DCC: variants seen among roughly 807,000 people sequenced by gnomAD.
The protein encoded by DCC is DCC netrin 1 receptor.
DCC carries 58 observed loss-of-function variants against 172.5 expected under a neutral mutation model. The ratio of observed to expected loss-of-function variants is 0.34; its 90% CI spans 0.27 to 0.42. DCC has a LOEUF of 0.42. DCC is among the 10% of genes least tolerant of loss of function. DCC has a pLI of 1.00. For missense variants in DCC, 1,740 were observed against 1,791.0 expected (o/e 0.97, Z 0.51); for synonymous variants, 709 against 644.5 (o/e 1.10, Z -1.52).
intron 7 of DCC, among the ~76,000 whole-genome samples, chr18:53,082,758 A>T (rs980393997): frequency 6.6e-6 from 1 of 152,132 alleles, no homozygotes; most frequent in Non-Finnish European, 1.5e-5. Flanking sequence ...TCCTTCAGAA[A>T]ACACACATGC....
intron 13 of DCC, among the ~76,000 whole-genome samples, chr18:53,311,639 A>G (rs1374648357): frequency 6.6e-6 from 1 of 152,230 alleles, no homozygotes; most frequent in Non-Finnish European, 1.5e-5. Context: ...ATTAAAAACA[A>G]TGTTTAACAT....
intron 1 of DCC, among the ~76,000 whole-genome samples, chr18:52,716,169 C>T (rs146699094): frequency 0.011 from 1,659 of 152,356 alleles, 33 homozygotes; most frequent in African/African-American, 0.038. Context: ...GCCCCATACC[C>T]GCAGGCTATG....
chr18:52,690,186 T>C (rs72914239), intron 1 of DCC, among the ~76,000 whole-genome samples: 1,999 of 152,238 alleles, frequency 0.013, 18 homozygotes, highest in Non-Finnish European at 0.018. Flanking sequence ...CTAACACACG[T>C]TTGCCGCTTT....
intron 1 of DCC, among the ~76,000 whole-genome samples, chr18:52,342,384 G>C (rs933020011): frequency 3.5e-5 from 5 of 144,900 alleles, no homozygotes; most frequent in Non-Finnish European, 7.5e-5. Context: ...TGTCCCTCCC[G>C]GGCCGGTCCC....
At chr18:52,961,837 G>A (rs1291990498) in intron 5 of DCC, among the ~76,000 whole-genome samples, 1 of 152,050 alleles carries the variant, frequency 6.6e-6, no homozygotes, top group Non-Finnish European at 1.5e-5. Context: ...TGACAAACCT[G>A]AGAAAAACAA....
At position 52,379,456 on chromosome 18, in the gene DCC, C is replaced by T. The variant is rs1246511923; in HGVS notation, c.91+38578C>T. Among the ~76,000 whole-genome samples, 7 of 152,076 alleles carry T rather than the reference C, an allele frequency of 4.6e-5. No homozygotes were observed. The East Asian group carries it at 7.7e-4, about 17-fold the overall frequency. On this transcript the variant is annotated intron_variant, in intron 1 of 28. Transcript: ENST00000442544. Reference sequence around the variant, plus strand: ...CCCTTGTAGAAAACACTTTTGACCACGTATTTAATTTGTTCTGTTGTTCAA... The same window carrying T: ...CCCTTGTAGAAAACACTTTTGACCATGTATTTAATTTGTTCTGTTGTTCAA...
chr18:52,439,780 A>G (rs1230333598), intron 1 of DCC, among the ~76,000 whole-genome samples: 1 of 152,204 alleles, frequency 6.6e-6, no homozygotes, highest in Non-Finnish European at 1.5e-5. Context: ...TTTAGTTAAT[A>G]AAGAAACAGA....
chr18:53,319,383 A>G (rs899842777), intron 13 of DCC, among the ~76,000 whole-genome samples: 1 of 152,196 alleles, frequency 6.6e-6, no homozygotes, highest in African/African-American at 2.4e-5. Flanking sequence ...ACTTGCAGAG[A>G]CACACATAGG....
At chr18:52,418,314 T>C (rs1987118368) in intron 1 of DCC, among the ~76,000 whole-genome samples, 1 of 152,198 alleles carries the variant, frequency 6.6e-6, no homozygotes, top group African/African-American at 2.4e-5. Context: ...AAAAGCCATG[T>C]AATCTCATAC....
chr18:52,871,983 C>T (rs1427199860), intron 2 of DCC, among the ~76,000 whole-genome samples: 1 of 152,110 alleles, frequency 6.6e-6, no homozygotes, highest in East Asian at 1.9e-4. Context: ...TTCAGAAAAG[C>T]ACAGCTTTGG....
Position 53,254,361 on chromosome 18 carries a change from A to G in DCC, c.1911+38764A>G, listed in dbSNP as rs923024377. 8.5e-5 allele frequency among the ~76,000 whole-genome samples: 13 copies of G among 152,090 alleles called. No individual in the cohort carries two copies. The East Asian group carries it at 2.5e-3, about 29-fold the overall frequency. ...TACCTGGGTGGGGTCTGCCTCTGGGATGGTATCAACCCCAATTTGTACTGG... is the reference window on the plus strand; with the variant it reads ...TACCTGGGTGGGGTCTGCCTCTGGGGTGGTATCAACCCCAATTTGTACTGG... On this transcript the variant is annotated intron_variant, in intron 12 of 28. Coordinates refer to ENST00000442544, the MANE Select transcript of DCC (RefSeq NM_005215.4).
intron 1 of DCC, among the ~76,000 whole-genome samples, chr18:52,342,336 A>T (rs1035646687): frequency 6.6e-6 from 1 of 151,884 alleles, no homozygotes; most frequent in Non-Finnish European, 1.5e-5. Flanking sequence ...GCGTACCCGC[A>T]TCCCCGCGCT....
At chr18:52,673,931 A>G (rs1174976840) in intron 1 of DCC, among the ~76,000 whole-genome samples, 1 of 152,200 alleles carries the variant, frequency 6.6e-6, no homozygotes, top group Admixed American at 6.5e-5. Flanking sequence ...GAGCTTGGCT[A>G]CAATAGCAAT....
chr18:52,966,737 C>G (rs1028180835), intron 5 of DCC, among the ~76,000 whole-genome samples: 7 of 152,164 alleles, frequency 4.6e-5, no homozygotes. Flanking sequence ...CTGTTTCTCC[C>G]TTTGCCCCTT....
intron 3 of DCC, among the ~76,000 whole-genome samples, chr18:52,908,624 G>A (rs3737396): frequency 0.38 from 57,911 of 151,886 alleles, 11,621 homozygotes; most frequent in Non-Finnish European, 0.46. Context: ...AAAAGACACA[G>A]AGACATTATA....
At chr18:52,670,846 G>GA (rs569848425) in intron 1 of DCC, among the ~76,000 whole-genome samples, 10,073 of 143,712 alleles carry the variant, frequency 0.07, 376 homozygotes, top group Non-Finnish European at 0.092. Context: ...ATCTCAAAAA[G>GA]AAAAAAAAAA....
At chr18:52,822,688 C>T (rs2038428282) in intron 2 of DCC, among the ~76,000 whole-genome samples, 1 of 152,188 alleles carries the variant, frequency 6.6e-6, no homozygotes, top group Non-Finnish European at 1.5e-5. Context: ...AACCACATGG[C>T]ACTTCTTTAT....
Position 52,603,883 on chromosome 18 carries a change from T to C in DCC, c.92-148171T>C, listed in dbSNP as rs1325586657. ...ATTGTTCTATTTTTCATTTTTCCTCTCATTTTATGTATGTTTACTAAGAAA... is the reference window on the plus strand; with the variant it reads ...ATTGTTCTATTTTTCATTTTTCCTCCCATTTTATGTATGTTTACTAAGAAA... On this transcript the variant is annotated intron_variant, in intron 1 of 28. Transcript: ENST00000442544. Among the ~76,000 whole-genome samples, 3 of 49,092 alleles carry C rather than the reference T, an allele frequency of 6.1e-5. No individual in the cohort carries two copies. The South Asian group carries it at 1.1e-3, about 19-fold the overall frequency. The allele number at this position is 49,092 out of a possible 152,430, so 32.2% of individuals were successfully genotyped here.
chr18:52,686,996 T>C (rs1309693068), intron 1 of DCC, among the ~76,000 whole-genome samples: 1 of 152,134 alleles, frequency 6.6e-6, no homozygotes, highest in African/African-American at 2.4e-5. Flanking sequence ...TTTTCCATGG[T>C]AGTTCTACTC....
Sources: gnomAD v4.1 joint callset for allele counts (sites outside exome capture counted in the v4.1 genomes callset) on GRCh38, gnomAD v4.1.1 for gene constraint, MANE v1.5 for transcripts, NCBI Gene and HGNC (gene_info 2026-07-23, HGNC 2026-07-21) for gene names.